The following SLC4A4 variants were observed in gnomAD, a reference collection of about 807,000 sequenced individuals.
SLC4A4 encodes the protein electrogenic sodium bicarbonate cotransporter 1.
Under a neutral mutation model 111.5 loss-of-function variants are expected in SLC4A4, and 27 were observed. The observed-to-expected ratio is 0.24, with a 90% CI of 0.18 to 0.33. The LOEUF is 0.33. SLC4A4 is among the 10% of genes least tolerant of loss of function. The pLI, the probability that SLC4A4 is intolerant of heterozygous loss-of-function variation, is 1.00. For missense variants in SLC4A4, 909 were observed against 1,315.5 expected (o/e 0.69, Z 4.78); for synonymous variants, 443 against 463.4 (o/e 0.96, Z 0.57).
At chr4:71,483,548 C>G (rs1729082980) in intron 14 of SLC4A4, among the ~76,000 whole-genome samples, 1 of 151,850 alleles carries the variant, frequency 6.6e-6, no homozygotes. Context: ...GTATATGTAC[C>G]ACCTCTTCTT....
Position 71,292,842 on chromosome 4 carries a change from G to GTTTTTTTTTTTT in SLC4A4, c.253+37451_253+37462dup, listed in dbSNP as rs869195687. ...GTATGTCTTACTTTTGGTTTTTTTT[G>GTTTTTTTTTTTT]TTTTTTTTTTTTTTTTTTTGAGACA... On this transcript the variant is annotated intron_variant, in intron 3 of 25. Transcript: ENST00000264485. Among the ~76,000 whole-genome samples the GTTTTTTTTTTTT allele has an allele frequency of 1.0e-3, 114 of 110,166 alleles. 2 individuals are homozygous for GTTTTTTTTTTTT. Among genetic ancestry groups the GTTTTTTTTTTTT allele is most frequent in the South Asian group, 2.0e-3 (6 of 2,986 alleles). The allele number at this position is 110,166 out of a possible 152,430, so 72.3% of individuals were successfully genotyped here. A position where few individuals can be genotyped will look rare whatever the true frequency, so the allele number is the denominator to read the frequency against.
At chr4:71,189,805 G>C (rs138767954) in intron 1 of SLC4A4, among the ~76,000 whole-genome samples, 20 of 152,308 alleles carry the variant, frequency 1.3e-4, no homozygotes, top group African/African-American at 4.8e-4. Context: ...GAGTTTCTTT[G>C]TGTTTATTTA....
At chr4:71,298,583 G>C (rs900101233) in intron 3 of SLC4A4, among the ~76,000 whole-genome samples, 1 of 152,182 alleles carries the variant, frequency 6.6e-6, no homozygotes, top group Non-Finnish European at 1.5e-5. Context: ...AAATTATGTA[G>C]CTCTTCTGGT....
intron 2 of SLC4A4, among the ~76,000 whole-genome samples, chr4:71,093,879 G>A (rs1268610112): frequency 2.6e-5 from 4 of 152,152 alleles, no homozygotes; most frequent in Non-Finnish European, 5.9e-5. Context: ...GAAGTAATGA[G>A]ACACCATTTG....
At position 71,569,261 on chromosome 4, in the gene SLC4A4, T is replaced by C. The variant is rs1737753749; in HGVS notation, c.*1510T>C. ...CAGGTATCAGTCATTATAATTGATATAATAGCTCTAACATGCAATATAAAA... is the reference window on the plus strand; with the variant it reads ...CAGGTATCAGTCATTATAATTGATACAATAGCTCTAACATGCAATATAAAA... On this transcript the variant is annotated 3_prime_UTR_variant, in exon 26 of 26. Coordinates refer to ENST00000264485, the MANE Select transcript of SLC4A4 (RefSeq NM_001098484.3). 1 of 151,722 alleles carries C rather than the reference T, an allele frequency of 6.6e-6. No individual in the cohort carries two copies. The highest frequency in any genetic ancestry group is 1.5e-5 in the Non-Finnish European group (1 of 67,800). The allele number at this position is 151,722 out of a possible 1,614,324, so 9.4% of individuals were successfully genotyped here.
chr4:71,162,415 A>G (rs1026663508), intron 2 of SLC4A4, among the ~76,000 whole-genome samples: 4 of 152,194 alleles, frequency 2.6e-5, no homozygotes, highest in Non-Finnish European at 5.9e-5. Flanking sequence ...TAGGACAGTT[A>G]CATCCTGTTT....
intron 2 of SLC4A4, among the ~76,000 whole-genome samples, chr4:71,106,231 T>C (rs951985795): frequency 6.7e-6 from 1 of 148,198 alleles, no homozygotes; most frequent in African/African-American, 2.5e-5. Context: ...AGCTACCATC[T>C]CACACCAGTT....
intron 3 of SLC4A4, among the ~76,000 whole-genome samples, chr4:71,258,135 T>C (rs1721591047): frequency 1.3e-5 from 2 of 152,226 alleles, no homozygotes; most frequent in Admixed American, 6.5e-5. Context: ...GCCCAGTGTC[T>C]TTCTAGTCCT....
intron 1 of SLC4A4, among the ~76,000 whole-genome samples, chr4:71,229,196 AC>A (rs1190176674): frequency 2.0e-5 from 3 of 151,966 alleles, no homozygotes; most frequent in Admixed American, 2.0e-4. Context: ...ACTCAGCATA[AC>A]CCCCTGGAAA....
intron 6 of SLC4A4, among the ~76,000 whole-genome samples, chr4:71,382,988 T>A (rs891732408): frequency 6.6e-6 from 1 of 152,214 alleles, no homozygotes; most frequent in African/African-American, 2.4e-5. Context: ...TGGATTTTTT[T>A]AAATGCACCT....
At chr4:71,138,336 G>A (rs1239089119) in intron 2 of SLC4A4, among the ~76,000 whole-genome samples, 1 of 152,002 alleles carries the variant, frequency 6.6e-6, no homozygotes, top group Non-Finnish European at 1.5e-5. Flanking sequence ...GCTTGTCCAG[G>A]CAAACATGAT....
At chr4:71,457,929 A>C (rs1429712663) in intron 12 of SLC4A4, among the ~76,000 whole-genome samples, 1 of 152,180 alleles carries the variant, frequency 6.6e-6, no homozygotes, top group African/African-American at 2.4e-5. Flanking sequence ...TATAATGCCT[A>C]ATACAATGCA....
chr4:71,106,937 T>G (rs533951729), intron 2 of SLC4A4, among the ~76,000 whole-genome samples: 66 of 146,872 alleles, frequency 4.5e-4, no homozygotes, highest in South Asian at 1.5e-3. Flanking sequence ...AATAAATAAA[T>G]AAATAAATAA....
intron 2 of SLC4A4, among the ~76,000 whole-genome samples, chr4:71,159,099 A>G (rs1419599672): frequency 2.0e-5 from 3 of 152,232 alleles, no homozygotes; most frequent in Non-Finnish European, 4.4e-5. Flanking sequence ...GTGTGTTCAT[A>G]TATGTGTATA....
intron 7 of SLC4A4, among the ~76,000 whole-genome samples, chr4:71,426,283 T>A (rs1723125652): frequency 6.6e-6 from 1 of 152,098 alleles, no homozygotes; most frequent in Non-Finnish European, 1.5e-5. Context: ...TCAGGTTAAC[T>A]TTGGAATGCC....
chr4:71,144,868 A>G (rs2031346023), intron 2 of SLC4A4, among the ~76,000 whole-genome samples: 1 of 152,168 alleles, frequency 6.6e-6, no homozygotes, highest in Non-Finnish European at 1.5e-5. Flanking sequence ...GGGGTTTTCT[A>G]GATATACAAT....
intron 3 of SLC4A4, among the ~76,000 whole-genome samples, chr4:71,290,042 C>T (rs935599974): frequency 5.9e-5 from 9 of 151,930 alleles, no homozygotes; most frequent in African/African-American, 1.2e-4. Flanking sequence ...TTTAAAGTAA[C>T]GAAGGTTTAG....
At chr4:71,338,267 A>T (rs189538364) in intron 3 of SLC4A4, among the ~76,000 whole-genome samples, 70 of 152,242 alleles carry the variant, frequency 4.6e-4, no homozygotes, top group African/African-American at 1.6e-3. Flanking sequence ...TCTGTCCTGT[A>T]TTATAATAGT....
At chr4:71,093,390 A>G (rs1742441633) in intron 2 of SLC4A4, among the ~76,000 whole-genome samples, 1 of 151,028 alleles carries the variant, frequency 6.6e-6, no homozygotes, top group Admixed American at 6.6e-5. Flanking sequence ...CTGGTCTTGA[A>G]CTCCTGACCT....
Sources: allele counts gnomAD v4.1 joint callset (sites outside exome capture counted in the v4.1 genomes callset), GRCh38; gene constraint gnomAD v4.1.1; transcripts MANE v1.5; gene names NCBI Gene and HGNC (gene_info 2026-07-23, HGNC 2026-07-21).